ARHGEF3: variants seen among roughly 807,000 people sequenced by gnomAD.
ARHGEF3 encodes the protein 59.8 kDA protein.
ARHGEF3 carries 28 observed loss-of-function variants against 63.2 expected under a neutral mutation model. That is an observed-to-expected ratio of 0.44 (90% CI 0.33 to 0.61). The LOEUF is 0.61. Ranked by LOEUF, ARHGEF3 falls within the 20% of genes least tolerant of loss-of-function variation. The pLI, the probability that ARHGEF3 is intolerant of heterozygous loss-of-function variation, is 0.03. For synonymous variants in ARHGEF3, 266 were observed against 254.2 expected (o/e 1.05, Z -0.44); for missense variants, 533 against 659.3 (o/e 0.81, Z 2.10).
chr3:56,869,039 C>A (rs763233321), intron 4 of ARHGEF3, among the ~76,000 whole-genome samples: 1 of 152,086 alleles, frequency 6.6e-6, no homozygotes, highest in Admixed American at 6.5e-5. Flanking sequence ...TAGAGCTGAC[C>A]AGCAAAATCG....
intron 1 of ARHGEF3, among the ~76,000 whole-genome samples, chr3:57,053,849 A>AT (rs1258838554): frequency 1.3e-5 from 2 of 152,132 alleles, no homozygotes; most frequent in African/African-American, 4.8e-5. Context: ...CTTCTTTCTC[A>AT]TTGCTGAGTG....
At chr3:57,008,417 T>G (rs569125538) in intron 2 of ARHGEF3, among the ~76,000 whole-genome samples, 46 of 151,820 alleles carry the variant, frequency 3.0e-4, no homozygotes, top group Admixed American at 1.3e-3. Flanking sequence ...ACACACTGTC[T>G]GGATGGAATT....
intron 1 of ARHGEF3, among the ~76,000 whole-genome samples, chr3:57,058,526 A>C (rs9873408): frequency 0.87 from 132,522 of 152,194 alleles, 57,774 homozygotes; most frequent in East Asian, 0.96. Flanking sequence ...GAAATAGGAA[A>C]ACTTTTACAC....
At chr3:56,969,463 A>G (rs2106835651) in intron 2 of ARHGEF3, among the ~76,000 whole-genome samples, 2 of 152,274 alleles carry the variant, frequency 1.3e-5, no homozygotes, top group South Asian at 4.1e-4. Flanking sequence ...TGGTATTATA[A>G]TAACCCTATT....
At chr3:56,771,537 A>G (rs1215919715) in intron 2 of ARHGEF3, among the ~76,000 whole-genome samples, 1 of 152,188 alleles carries the variant, frequency 6.6e-6, no homozygotes, top group Non-Finnish European at 1.5e-5. Context: ...TAGAAGGGCA[A>G]TTGGGAGAGG....
intron 3 of ARHGEF3, among the ~76,000 whole-genome samples, chr3:56,920,682 G>C (rs2042103080): frequency 6.6e-6 from 1 of 152,084 alleles, no homozygotes; most frequent in Non-Finnish European, 1.5e-5. Flanking sequence ...GAATTTCAAG[G>C]TCTTTAAACA....
chr3:57,048,607 T>C (rs1704556714), intron 1 of ARHGEF3, among the ~76,000 whole-genome samples: 1 of 151,882 alleles, frequency 6.6e-6, no homozygotes, highest in African/African-American at 2.4e-5. Flanking sequence ...GCTCTCGGGG[T>C]AGGAGCAGCT....
chr3:56,904,643 C>T (rs1207993068), intron 3 of ARHGEF3, among the ~76,000 whole-genome samples: 1 of 152,190 alleles, frequency 6.6e-6, no homozygotes, highest in Non-Finnish European at 1.5e-5. Context: ...TGGATTCATA[C>T]ATCTGCTCCT....
At chr3:56,907,227 C>T (rs537874049) in intron 3 of ARHGEF3, among the ~76,000 whole-genome samples, 5 of 152,238 alleles carry the variant, frequency 3.3e-5, no homozygotes, top group Admixed American at 6.5e-5. Flanking sequence ...GTGATCCACC[C>T]GCCTCAGTCT....
chr3:56,763,682 A>C (rs1164356913), intron 2 of ARHGEF3, among the ~76,000 whole-genome samples: 1 of 152,174 alleles, frequency 6.6e-6, no homozygotes, highest in Non-Finnish European at 1.5e-5. Flanking sequence ...GGATGGTGGG[A>C]CTACGGATAA....
chr3:56,768,764 C>G (rs2035853105), intron 2 of ARHGEF3, among the ~76,000 whole-genome samples: 1 of 151,460 alleles, frequency 6.6e-6, no homozygotes, highest in African/African-American at 2.4e-5. Context: ...AAAGGTGCAA[C>G]TCCCCCAGGA....
intron 2 of ARHGEF3, among the ~76,000 whole-genome samples, chr3:57,022,876 C>T (rs1006914882): frequency 3.3e-5 from 5 of 152,212 alleles, no homozygotes; most frequent in Admixed American, 1.3e-4. Flanking sequence ...TTTGTCCAAG[C>T]TAAGCCCCTG....
chr3:57,051,645 C>CA (rs1279697391), intron 1 of ARHGEF3, among the ~76,000 whole-genome samples: 11 of 152,156 alleles, frequency 7.2e-5, no homozygotes, highest in African/African-American at 2.7e-4. Context: ...ACTAGCCCAC[C>CA]ACAGGCACTG....
At chr3:56,789,020 ATGC>A (rs34620976) in intron 1 of ARHGEF3, among the ~76,000 whole-genome samples, 10,334 of 149,132 alleles carry the variant, frequency 0.069, 397 homozygotes, top group African/African-American at 0.11. Context: ...TTCAAGATAG[ATGC>A]TGCTGCTGCT....
intron 4 of ARHGEF3, among the ~76,000 whole-genome samples, chr3:56,843,623 T>A (rs76057352): frequency 1.3e-5 from 2 of 152,346 alleles, no homozygotes; most frequent in African/African-American, 4.8e-5. Context: ...AATCTTTTCA[T>A]CTTTCACCAT....
Position 56,839,000 on chromosome 3 carries a change from G to T in ARHGEF3, c.192+43292C>A, listed in dbSNP as rs1479135056. 2.0e-5 allele frequency among the ~76,000 whole-genome samples: 3 copies of T among 152,050 alleles called. 1 individual carries two copies. Among genetic ancestry groups the T allele is most frequent in the East Asian group, 3.9e-4 (2 of 5,182 alleles). On this transcript the variant is annotated intron_variant, in intron 4 of 12. Transcript: ENST00000338458. ...TAAAAAAAATAAAAATTTACTGGGCGTGGTGGTACACACCTGTAGTCCCAG... is the reference window on the plus strand; with the variant it reads ...TAAAAAAAATAAAAATTTACTGGGCTTGGTGGTACACACCTGTAGTCCCAG...
chr3:56,768,240 G>T (rs2035817343), intron 2 of ARHGEF3, among the ~76,000 whole-genome samples: 1 of 151,886 alleles, frequency 6.6e-6, no homozygotes. Context: ...TGTATTTTTA[G>T]TAGAGACAGG....
intron 3 of ARHGEF3, among the ~76,000 whole-genome samples, chr3:56,901,781 G>A (rs556044675): frequency 2.0e-5 from 3 of 152,004 alleles, no homozygotes; most frequent in African/African-American, 7.2e-5. Context: ...GTAGAGATGA[G>A]GTCTGGCTAT....
At chr3:56,963,542 C>G (rs76413611) in intron 2 of ARHGEF3, among the ~76,000 whole-genome samples, 8 of 152,206 alleles carry the variant, frequency 5.3e-5, no homozygotes, top group Non-Finnish European at 1.0e-4. Flanking sequence ...CTACCACCTT[C>G]GTCAGCAAGT....
Sources: allele counts gnomAD v4.1 joint callset (sites outside exome capture counted in the v4.1 genomes callset), GRCh38; gene constraint gnomAD v4.1.1; transcripts MANE v1.5; gene names NCBI Gene and HGNC (gene_info 2026-07-23, HGNC 2026-07-21).